HS6ST3: variants seen among roughly 807,000 people sequenced by gnomAD.
HS6ST3 encodes the protein heparan sulfate 6-O-sulfotransferase 3.
Under a neutral mutation model 36.7 loss-of-function variants are expected in HS6ST3, and 12 were observed. The ratio of observed to expected loss-of-function variants is 0.33; its 90% CI spans 0.21 to 0.53. HS6ST3 has a LOEUF of 0.53. Among genes scored for constraint, HS6ST3 ranks in the 20% least tolerant of loss-of-function variants. HS6ST3 has a pLI of 0.95. For missense variants in HS6ST3, 584 were observed against 640.9 expected (o/e 0.91, Z 0.96); for synonymous variants, 240 against 257.5 (o/e 0.93, Z 0.65).
intron 1 of HS6ST3, among the ~76,000 whole-genome samples, chr13:96,733,288 G>A (rs1053117139): frequency 6.6e-6 from 1 of 152,158 alleles, no homozygotes; most frequent in Non-Finnish European, 1.5e-5. Flanking sequence ...CGACTTTGTT[G>A]TGTTGAGGTA....
At chr13:96,516,513 C>CA (rs1162733461) in intron 1 of HS6ST3, among the ~76,000 whole-genome samples, 5 of 152,072 alleles carry the variant, frequency 3.3e-5, no homozygotes, top group African/African-American at 1.2e-4. Flanking sequence ...TGGATTGTCA[C>CA]AAAAAATAGC....
chr13:96,328,526 G>A (rs1782896562), intron 1 of HS6ST3, among the ~76,000 whole-genome samples: 1 of 152,032 alleles, frequency 6.6e-6, no homozygotes, highest in Non-Finnish European at 1.5e-5. Flanking sequence ...TCCCAGGGAT[G>A]AAGCCCACTT....
At chr13:96,153,531 C>T (rs1320823787) in intron 1 of HS6ST3, among the ~76,000 whole-genome samples, 1 of 152,068 alleles carries the variant, frequency 6.6e-6, no homozygotes, top group Non-Finnish European at 1.5e-5. Context: ...GGTTGTAGCT[C>T]CTCTGAAAAT....
At position 96,669,774 on chromosome 13, in the gene HS6ST3, C is replaced by T. The variant is rs116367059; in HGVS notation, c.708-162716C>T. Among the ~76,000 whole-genome samples the T allele has an allele frequency of 6.5e-3, 994 of 152,144 alleles. 7 individuals are homozygous for T. The highest frequency in any genetic ancestry group is 0.023 in the African/African-American group (938 of 41,518). On this transcript the variant is annotated intron_variant, in intron 1 of 1. Coordinates refer to ENST00000376705, the MANE Select transcript of HS6ST3 (RefSeq NM_153456.4). Reference sequence around the variant, plus strand: ...GTAAAAGAACTACGTAATAAAGACCCTCTGTTCTAAGGCTAAAGTGGTAGG... The same window carrying T: ...GTAAAAGAACTACGTAATAAAGACCTTCTGTTCTAAGGCTAAAGTGGTAGG...
chr13:96,455,612 A>G (rs557815891), intron 1 of HS6ST3, among the ~76,000 whole-genome samples: 2 of 152,326 alleles, frequency 1.3e-5, no homozygotes, highest in East Asian at 1.9e-4. Flanking sequence ...CCAGCCACTA[A>G]TTGATAGATA....
At chr13:96,521,578 G>C (rs938594714) in intron 1 of HS6ST3, among the ~76,000 whole-genome samples, 1 of 152,098 alleles carries the variant, frequency 6.6e-6, no homozygotes, top group Admixed American at 6.5e-5. Flanking sequence ...GTTTAGTGTT[G>C]GGAGGGTGTA....
intron 1 of HS6ST3, among the ~76,000 whole-genome samples, chr13:96,223,094 T>C (rs1168490527): frequency 6.6e-6 from 1 of 152,224 alleles, no homozygotes; most frequent in African/African-American, 2.4e-5. Context: ...TTACTATTGT[T>C]AGCCATGCTT....
At chr13:96,523,858 G>C (rs1033065238) in intron 1 of HS6ST3, among the ~76,000 whole-genome samples, 1 of 152,164 alleles carries the variant, frequency 6.6e-6, no homozygotes, top group African/African-American at 2.4e-5. Context: ...GCCTGCTTCT[G>C]TCAACTCGTC....
At chr13:96,557,606 A>C (rs2056245936) in intron 1 of HS6ST3, among the ~76,000 whole-genome samples, 1 of 152,118 alleles carries the variant, frequency 6.6e-6, no homozygotes, top group South Asian at 2.1e-4. Flanking sequence ...GTACATGAAG[A>C]ATAAGGATAT....
At chr13:96,323,826 TC>T in intron 1 of HS6ST3, among the ~76,000 whole-genome samples, 1 of 152,340 alleles carries the variant, frequency 6.6e-6, no homozygotes, top group Middle Eastern at 3.4e-3. Context: ...TTTATTTTCT[TC>T]CCACCACCAG....
chr13:96,757,216 A>G (rs1478626078), intron 1 of HS6ST3, among the ~76,000 whole-genome samples: 1 of 152,236 alleles, frequency 6.6e-6, no homozygotes, highest in Non-Finnish European at 1.5e-5. Flanking sequence ...CACCAGTCAT[A>G]TAATGTAATG....
intron 1 of HS6ST3, among the ~76,000 whole-genome samples, chr13:96,683,190 T>C (rs1405892518): frequency 1.3e-5 from 2 of 152,114 alleles, no homozygotes; most frequent in Non-Finnish European, 2.9e-5. Flanking sequence ...CACTCCTTCA[T>C]CTAGCTAGAG....
At chr13:96,307,255 A>G (rs1420152787) in intron 1 of HS6ST3, among the ~76,000 whole-genome samples, 1 of 152,216 alleles carries the variant, frequency 6.6e-6, no homozygotes, top group Non-Finnish European at 1.5e-5. Context: ...TTTTTCCTGC[A>G]TTCATAATCT....
chr13:96,091,003 C>T lies in HS6ST3; in HGVS notation c.141C>T (p.Gly47=). The T allele has an allele frequency of 1.5e-6, 2 of 1,299,408 alleles. No homozygotes were observed. The highest frequency in any genetic ancestry group is 1.5e-5 in the African/African-American group (1 of 65,440). 80.5% of individuals were successfully genotyped at this position (1,299,408 alleles called of 1,614,324 possible). A position where few individuals can be genotyped will look rare whatever the true frequency, so the allele number is the denominator to read the frequency against. Residue 47 remains glycine, a synonymous_variant, in exon 1 of 2, where the codon GGC becomes GGT. Coordinates refer to ENST00000376705, the MANE Select transcript of HS6ST3 (RefSeq NM_153456.4). ...AGCAGCCCCGCGCGGGGGAGGCCGG[C>T]CCGCCCGCCGTCCCGGGTCCCGCCC... is the stretch of plus-strand genomic sequence containing the variant. ...FGEQPRAGEA[G]PPAVPGPARR...
At chr13:96,618,028 CTT>C in intron 1 of HS6ST3, among the ~76,000 whole-genome samples, 1 of 152,324 alleles carries the variant, frequency 6.6e-6, no homozygotes, top group Non-Finnish European at 1.5e-5. Flanking sequence ...GTCAGACAAA[CTT>C]GAGCTTGCAC....
intron 1 of HS6ST3, among the ~76,000 whole-genome samples, chr13:96,376,403 G>A (rs1457490239): frequency 6.6e-6 from 1 of 152,154 alleles, no homozygotes; most frequent in Non-Finnish European, 1.5e-5. Context: ...ATGTCAAACA[G>A]TCAGACTGCA....
chr13:96,335,917 A>G (rs2139423545), intron 1 of HS6ST3, among the ~76,000 whole-genome samples: 1 of 152,324 alleles, frequency 6.6e-6, no homozygotes, highest in African/African-American at 2.4e-5. Context: ...ATCGGTGCCT[A>G]GGAAGTATTA....
chr13:96,473,689 C>A (rs2055850084), intron 1 of HS6ST3, among the ~76,000 whole-genome samples: 1 of 152,100 alleles, frequency 6.6e-6, no homozygotes, highest in African/African-American at 2.4e-5. Context: ...TGATGGATGG[C>A]ACTTTTTGTA....
intron 1 of HS6ST3, among the ~76,000 whole-genome samples, chr13:96,778,190 C>T (rs188135687): frequency 9.3e-4 from 141 of 152,290 alleles, no homozygotes; most frequent in Middle Eastern, 6.8e-3. Context: ...GGATTAAAGA[C>T]TTAAACGTAA....
Sources: gnomAD v4.1 joint callset for allele counts (sites outside exome capture counted in the v4.1 genomes callset) on GRCh38, gnomAD v4.1.1 for gene constraint, MANE v1.5 for transcripts, NCBI Gene and HGNC (gene_info 2026-07-23, HGNC 2026-07-21) for gene names.